Variants in GULP1 observed in about 807,000 individuals in gnomAD.
GULP1 encodes GULP PTB domain containing engulfment adaptor 1, also known as PTB domain-containing engulfment adapter protein 1.
GULP1 carries 19 observed loss-of-function variants against 40.9 expected under a neutral mutation model. The observed-to-expected ratio is 0.46, with a 90% CI of 0.32 to 0.68. GULP1 has a LOEUF of 0.68. Ranked by LOEUF, GULP1 falls within the 30% of genes least tolerant of loss-of-function variation. GULP1 has a pLI of 0.03. For synonymous variants in GULP1, 119 were observed against 117.6 expected (o/e 1.01, Z -0.08); for missense variants, 312 against 362.2 (o/e 0.86, Z 1.12).
intron 4 of GULP1, among the ~76,000 whole-genome samples, chr2:188,493,651 G>C (rs2062625303): frequency 6.6e-6 from 1 of 152,014 alleles, no homozygotes; most frequent in Admixed American, 6.6e-5. Flanking sequence ...TCAGGCTTAT[G>C]AGAGTCTTCA....
At chr2:188,520,270 G>T (rs1001203910) in intron 4 of GULP1, among the ~76,000 whole-genome samples, 3 of 152,070 alleles carry the variant, frequency 2.0e-5, no homozygotes, top group Non-Finnish European at 4.4e-5. Flanking sequence ...GGGCGTGGTG[G>T]CCCACACCTG....
intron 9 of GULP1, among the ~76,000 whole-genome samples, chr2:188,571,730 T>A: frequency 6.6e-6 from 1 of 152,212 alleles, no homozygotes; most frequent in Non-Finnish European, 1.5e-5. Context: ...TTGTTGAAAT[T>A]CATATTGTAA....
chr2:188,420,363 T>C (rs1452600019), intron 2 of GULP1, among the ~76,000 whole-genome samples: 5 of 152,220 alleles, frequency 3.3e-5, no homozygotes, highest in Admixed American at 2.0e-4. Context: ...CAGTAATTTG[T>C]AGTTTTCAGT....
intron 2 of GULP1, among the ~76,000 whole-genome samples, chr2:188,400,923 T>TGTG: frequency 7.2e-6 from 1 of 139,540 alleles, no homozygotes; most frequent in Non-Finnish European, 1.6e-5. Context: ...AGTGGTGTGT[T>TGTG]TGTGTGTGTG....
Position 188,477,677 on chromosome 2 carries a change from G to T in GULP1, c.-26G>T. On this transcript the variant is annotated 5_prime_UTR_variant, in exon 3 of 12. Transcript: ENST00000409830. ...TTTACAGGATTTAAGTCGTGGAACTGAACATTTATTTGGCTGATCCTCATC... is the reference window on the plus strand; with the variant it reads ...TTTACAGGATTTAAGTCGTGGAACTTAACATTTATTTGGCTGATCCTCATC... The T allele has an allele frequency of 6.3e-7, 1 of 1,582,788 alleles. No homozygotes were observed. Among genetic ancestry groups the T allele is most frequent in the South Asian group, 1.2e-5 (1 of 86,766 alleles).
chr2:188,326,435 C>G (rs915650623), intron 1 of GULP1, among the ~76,000 whole-genome samples: 1 of 151,890 alleles, frequency 6.6e-6, no homozygotes, highest in Non-Finnish European at 1.5e-5. Flanking sequence ...ATAGTAATAC[C>G]TTCCTTATTG....
chr2:188,471,380 A>T (rs1301979826), intron 2 of GULP1, among the ~76,000 whole-genome samples: 1 of 151,522 alleles, frequency 6.6e-6, no homozygotes, highest in Non-Finnish European at 1.5e-5. Flanking sequence ...ATTATTGATG[A>T]CTAAGGACTT....
chr2:188,476,093 A>G (rs1009872182), intron 2 of GULP1, among the ~76,000 whole-genome samples: 7 of 152,148 alleles, frequency 4.6e-5, no homozygotes, highest in African/African-American at 1.7e-4. Flanking sequence ...TGTGAATGCC[A>G]GATGACACAG....
chr2:188,350,163 ATTATT>A (rs2044248977), intron 1 of GULP1, among the ~76,000 whole-genome samples: 1 of 152,002 alleles, frequency 6.6e-6, no homozygotes, highest in Non-Finnish European at 1.5e-5. Flanking sequence ...TTTTTTTAGT[ATTATT>A]TTGTCCATTC....
chr2:188,463,455 G>T (rs2059874120), intron 2 of GULP1, among the ~76,000 whole-genome samples: 1 of 151,848 alleles, frequency 6.6e-6, no homozygotes, highest in Non-Finnish European at 1.5e-5. Context: ...CTTTATCCTT[G>T]ACCTTTGGGA....
chr2:188,346,321 C>G (rs961544035), intron 1 of GULP1, among the ~76,000 whole-genome samples: 1 of 152,034 alleles, frequency 6.6e-6, no homozygotes, highest in Non-Finnish European at 1.5e-5. Flanking sequence ...TAATGAGATC[C>G]CCTGATGAGT....
At chr2:188,378,687 A>G (rs770152923) in intron 1 of GULP1, among the ~76,000 whole-genome samples, 2 of 152,054 alleles carry the variant, frequency 1.3e-5, no homozygotes, top group Non-Finnish European at 2.9e-5. Context: ...CTTTTTAACA[A>G]ACAGCTCTTA....
intron 7 of GULP1, among the ~76,000 whole-genome samples, chr2:188,544,414 C>G (rs1045253355): frequency 1.3e-5 from 2 of 151,868 alleles, no homozygotes; most frequent in Non-Finnish European, 2.9e-5. Context: ...GAAGATATAG[C>G]ATTAGGAGAT....
intron 2 of GULP1, among the ~76,000 whole-genome samples, chr2:188,456,482 C>T (rs2059276795): frequency 6.6e-6 from 1 of 152,312 alleles, no homozygotes; most frequent in Admixed American, 6.5e-5. Flanking sequence ...GCCTTGGCAG[C>T]TTCCACATGG....
At chr2:188,549,507 G>T (rs891268387) in intron 7 of GULP1, among the ~76,000 whole-genome samples, 28 of 151,868 alleles carry the variant, frequency 1.8e-4, no homozygotes, top group African/African-American at 5.5e-4. Flanking sequence ...TGGTAAGAAT[G>T]GGGAAAAAGT....
chr2:188,436,282 A>C (rs1575232867), intron 2 of GULP1, among the ~76,000 whole-genome samples: 1 of 152,106 alleles, frequency 6.6e-6, no homozygotes, highest in East Asian at 1.9e-4. Flanking sequence ...GGAGGAATTC[A>C]CAAACTAGCC....
chr2:188,374,174 A>G (rs2152457283), intron 1 of GULP1, among the ~76,000 whole-genome samples: 1 of 152,252 alleles, frequency 6.6e-6, no homozygotes, highest in South Asian at 2.1e-4. Context: ...TTAAAACACC[A>G]AAAGAGTATC....
At chr2:188,500,043 G>T (rs1559313537) in intron 4 of GULP1, among the ~76,000 whole-genome samples, 1 of 151,722 alleles carries the variant, frequency 6.6e-6, no homozygotes, top group East Asian at 1.9e-4. Flanking sequence ...TGTGTCCTTG[G>T]CCAGATTAAG....
chr2:188,307,623 A>C (rs890719702), intron 1 of GULP1, among the ~76,000 whole-genome samples: 1 of 152,198 alleles, frequency 6.6e-6, no homozygotes, highest in Non-Finnish European at 1.5e-5. Context: ...ACATTTAAGA[A>C]TACTGGAGTT....
Sources: gnomAD v4.1 joint callset for allele counts (sites outside exome capture counted in the v4.1 genomes callset) on GRCh38, gnomAD v4.1.1 for gene constraint, MANE v1.5 for transcripts, NCBI Gene and HGNC (gene_info 2026-07-23, HGNC 2026-07-21) for gene names.